The following PRDM16 variants were observed in gnomAD, a reference collection of about 807,000 sequenced individuals.
The protein encoded by PRDM16 is histone-lysine N-methyltransferase PRDM16.
A neutral mutation model predicts 110.6 loss-of-function variants in PRDM16; 23 were observed. The ratio of observed to expected loss-of-function variants is 0.21; its 90% CI spans 0.15 to 0.29. The LOEUF is 0.29. Among genes scored for constraint, PRDM16 ranks in the 10% least tolerant of loss-of-function variants. The probability of loss-of-function intolerance (pLI) is 1.00; values close to 1 mark genes in which losing one functional copy is unlikely to be tolerated. For missense variants in PRDM16, 1,615 were observed against 1,794.3 expected (o/e 0.90, Z 1.81); for synonymous variants, 799 against 781.8 (o/e 1.02, Z -0.37).
chr1:3,174,181 C>G (rs1042900347), intron 1 of PRDM16, among the ~76,000 whole-genome samples: 2 of 152,126 alleles, frequency 1.3e-5, no homozygotes, highest in East Asian at 1.9e-4. Context: ...TTCCTTGGCT[C>G]GGGGCAAATC....
At chr1:3,351,114 G>A (rs991142161) in intron 3 of PRDM16, among the ~76,000 whole-genome samples, 1 of 152,154 alleles carries the variant, frequency 6.6e-6, no homozygotes, top group African/African-American at 2.4e-5. Context: ...GACGTTTTGG[G>A]GGCATGTTCA....
rs1639751885 is a variant in PRDM16, at chr1:3,244,811, G to A, written c.438+674G>A. ...AGACGGCCAGGAGGAGGAATGGCCT[G>A]GAAAGCAGCTCCGAAACCTAGAACC... On this transcript the variant is annotated intron_variant, in intron 3 of 16. Transcript: ENST00000270722. The surrounding 1 kb of genome is among the most constrained non-coding windows in gnomAD (Gnocchi z 4.1). Among the ~76,000 whole-genome samples the A allele has an allele frequency of 6.6e-6, 1 of 152,142 alleles. No homozygotes were observed. The highest frequency in any genetic ancestry group is 2.4e-5 in the African/African-American group (1 of 41,420).
intron 1 of PRDM16, among the ~76,000 whole-genome samples, chr1:3,181,136 G>GGCCTTA (rs1644160203): frequency 1.5e-5 from 1 of 67,452 alleles, no homozygotes; most frequent in South Asian, 5.3e-4. Flanking sequence ...AGTCTTACAC[G>GGCCTTA]CGGTCTTACA....
In PRDM16 at chr1:3,425,804, C is replaced by T; in HGVS notation, c.3109+54C>T. 8.7e-6 allele frequency: 14 copies of T among 1,600,428 alleles called. 1 individual carries two copies. The South Asian group carries it at 1.6e-4, about 18-fold the overall frequency. The stretch of plus-strand genomic sequence containing the variant: ...AGAGCACCCACACGGGCAGGCCCCA[C>T]AGAGGGGGAGGGGGAACAGCAGGGG... On this transcript the variant is annotated intron_variant, in intron 13 of 16. Coordinates refer to ENST00000270722, the MANE Select transcript of PRDM16 (RefSeq NM_022114.4). This position sits in a 1 kb window ranked among gnomAD's most constrained non-coding sequence, Gnocchi z 6.9.
chr1:3,159,797 G>A (rs114163592), intron 1 of PRDM16, among the ~76,000 whole-genome samples: 248 of 152,292 alleles, frequency 1.6e-3, no homozygotes, highest in African/African-American at 4.8e-3. Flanking sequence ...ACTGCCCAGA[G>A]GGACCACGAG....
At chr1:3,360,681 G>C (rs944008141) in intron 3 of PRDM16, among the ~76,000 whole-genome samples, 2 of 152,222 alleles carry the variant, frequency 1.3e-5, no homozygotes, top group African/African-American at 4.8e-5. Context: ...AGAAGGCTAC[G>C]TGGGCCTCTG....
In PRDM16 at chr1:3,190,920, C is replaced by A. The variant is rs1638294616; in HGVS notation, c.387+4446C>A. ...CATGGGTGAGGCACTGGGGAGGCCA[C>A]CTGCCCCCGGCTGGGCCTTCAGCTG... On this transcript the variant is annotated intron_variant, in intron 2 of 16. Coordinates refer to ENST00000270722, the MANE Select transcript of PRDM16 (RefSeq NM_022114.4). This position sits in a 1 kb window ranked among gnomAD's most constrained non-coding sequence, Gnocchi z 5.0. 6.6e-6 allele frequency among the ~76,000 whole-genome samples: 1 copy of A among 152,216 alleles called. No homozygotes were observed. The highest frequency in any genetic ancestry group is 2.1e-4 in the South Asian group (1 of 4,830).
chr1:3,097,956 G>A (rs957039434), intron 1 of PRDM16, among the ~76,000 whole-genome samples: 7 of 152,140 alleles, frequency 4.6e-5, no homozygotes, highest in Non-Finnish European at 8.8e-5. Flanking sequence ...TTCTTGTCCT[G>A]TCCCTGTGAC....
chr1:3,147,330 C>T (rs1425984633), intron 1 of PRDM16, among the ~76,000 whole-genome samples: 2 of 151,452 alleles, frequency 1.3e-5, no homozygotes, highest in East Asian at 1.9e-4. Context: ...GGGTGTGTGA[C>T]GTGGGTGCAC....
rs768642626 is a variant in PRDM16 at position 3,402,800 on chromosome 1, C to T, written c.686C>T (p.Thr229Met). Residue 229 changes from threonine (T) to methionine (M), a missense_variant, in exon 6 of 17, where the codon ACG (threonine) becomes ATG (methionine). Physicochemically the swap from Thr to Met is moderately conservative, Grantham distance 81. Around this residue, in one of 5 missense-constraint regions of PRDM16, gnomAD observed 416 missense variants for 467.1 expected, o/e 0.89. Transcript: ENST00000270722. ...TVPPGLDEEP[T>M]FRCDECDELF... ...GTTCTCTCTCTTGCAGAGGAGCCCA[C>T]GTTCCGCTGTGACGAGTGTGACGAA... The T allele has an allele frequency of 1.1e-5, 18 of 1,610,842 alleles. No individual in the cohort carries two copies. Among genetic ancestry groups the T allele is most frequent in the Admixed American group, 1.0e-4 (6 of 59,966 alleles).
At chr1:3,089,986 T>G (rs1642238951) in intron 1 of PRDM16, among the ~76,000 whole-genome samples, 1 of 152,158 alleles carries the variant, frequency 6.6e-6, no homozygotes, top group Non-Finnish European at 1.5e-5. Context: ...CTACTCTGTA[T>G]CTCCCAAATT....
chr1:3,226,831 TCTC>T (rs1184986015), intron 2 of PRDM16, among the ~76,000 whole-genome samples: 1 of 152,148 alleles, frequency 6.6e-6, no homozygotes, highest in Non-Finnish European at 1.5e-5. Flanking sequence ...TGTCGGCTAA[TCTC>T]CGAGCACTTC....
chr1:3,191,373 G>A (rs1407630663), intron 2 of PRDM16, among the ~76,000 whole-genome samples: 3 of 152,182 alleles, frequency 2.0e-5, no homozygotes, highest in African/African-American at 4.8e-5. Context: ...CCAATTCTCT[G>A]GCACTGCCAT....
In PRDM16 at chr1:3,240,051, AGGAGAAGAGGAGAGG is replaced by A. The variant is rs1399698487; in HGVS notation, c.388-4035_388-4021del. On this transcript the variant is annotated intron_variant, in intron 2 of 16. Transcript: ENST00000270722. ...AGAGGAGAGGAGAAGAGGAGAGGAG[AGGAGAAGAGGAGAGG>A]AGAGGAGAGGAGAGGAGAGGAGAGG... 5.4e-5 allele frequency among the ~76,000 whole-genome samples: 5 copies of A among 92,038 alleles called. No homozygotes were observed. In the East Asian group the frequency reaches 8.0e-4, roughly 15 times the overall value. 60.4% of individuals were successfully genotyped at this position (92,038 alleles called of 152,430 possible).
Position 3,175,490 on chromosome 1 carries a change from G to A in PRDM16, c.38-10635G>A, listed in dbSNP as rs1242582990. Among the ~76,000 whole-genome samples the A allele has an allele frequency of 2.0e-5, 3 of 152,116 alleles. No homozygotes were observed. Among genetic ancestry groups the A allele is most frequent in the Non-Finnish European group, 4.4e-5 (3 of 68,036 alleles). ...TCAGGGGGCAGGATGGCCCTTCACTGCTCATGGGGACTCATAGGCACCCAG... is the reference window on the plus strand; with the variant it reads ...TCAGGGGGCAGGATGGCCCTTCACTACTCATGGGGACTCATAGGCACCCAG... On this transcript the variant is annotated intron_variant, in intron 1 of 16. Transcript: ENST00000270722. The surrounding 1 kb of genome is among the most constrained non-coding windows in gnomAD (Gnocchi z 4.8).
chr1:3,352,358 T>C (rs1642511633), intron 3 of PRDM16, among the ~76,000 whole-genome samples: 1 of 152,158 alleles, frequency 6.6e-6, no homozygotes, highest in South Asian at 2.1e-4. Flanking sequence ...GCTGCAGCTT[T>C]TAATTGTTTT....
intron 3 of PRDM16, among the ~76,000 whole-genome samples, chr1:3,262,859 G>T (rs925975363): frequency 6.6e-6 from 1 of 152,196 alleles, no homozygotes; most frequent in African/African-American, 2.4e-5. Context: ...CAACACGAGG[G>T]TGTGCGCGCA....
At chr1:3,279,482 C>T (rs893072042) in intron 3 of PRDM16, among the ~76,000 whole-genome samples, 6 of 152,254 alleles carry the variant, frequency 3.9e-5, no homozygotes, top group Non-Finnish European at 5.9e-5. Context: ...CTGGGACGCC[C>T]TGCACGCCTG....
At chr1:3,236,440 G>A (rs982160002) in intron 2 of PRDM16, among the ~76,000 whole-genome samples, 5 of 152,204 alleles carry the variant, frequency 3.3e-5, no homozygotes, top group Admixed American at 1.3e-4. Context: ...TCTGACCACC[G>A]CATTGGCAAT....
Sources: allele counts gnomAD v4.1 joint callset (sites outside exome capture counted in the v4.1 genomes callset), GRCh38; gene constraint gnomAD v4.1.1; regional missense constraint gnomAD v4.1.1; non-coding constraint Gnocchi (gnomAD v3.1); transcripts MANE v1.5; gene names NCBI Gene and HGNC (gene_info 2026-07-23, HGNC 2026-07-21).